MTHFD2: variants seen among roughly 807,000 people sequenced by gnomAD.
MTHFD2 encodes methylenetetrahydrofolate dehydrogenase (NADP+ dependent) 2, methenyltetrahydrofolate cyclohydrolase.
MTHFD2 carries 26 observed loss-of-function variants against 36.8 expected under a neutral mutation model. That is an observed-to-expected ratio of 0.71 (90% CI 0.52 to 0.98). The LOEUF is 0.98. Among genes scored for constraint, MTHFD2 ranks in the 50% least tolerant of loss-of-function variants. The probability of loss-of-function intolerance (pLI) is 0.00; values close to 1 mark genes in which losing one functional copy is unlikely to be tolerated. For synonymous variants in MTHFD2, 164 were observed against 155.2 expected (o/e 1.06, Z -0.42); for missense variants, 373 against 434.0 (o/e 0.86, Z 1.25).
At position 74,215,334 on chromosome 2, in the gene MTHFD2, C is replaced by G. The variant is rs953554077; in HGVS notation, c.*1092C>G. On this transcript the variant is annotated 3_prime_UTR_variant, in exon 8 of 8. Transcript: ENST00000394053. Reference sequence around the variant, plus strand: ...CTATGACTCCTAGTTGTGACCTAACCAGTTTTTTTCTCATTTAATCAATGT... The same window carrying G: ...CTATGACTCCTAGTTGTGACCTAACGAGTTTTTTTCTCATTTAATCAATGT... 1.3e-5 allele frequency: 2 copies of G among 152,044 alleles called. No individual in the cohort carries two copies. The highest frequency in any genetic ancestry group is 4.8e-5 in the African/African-American group (2 of 41,368). 9.4% of individuals were successfully genotyped at this position (152,044 alleles called of 1,614,324 possible). A position where few individuals can be genotyped will look rare whatever the true frequency, so the allele number is the denominator to read the frequency against.
rs143867699 is a variant in MTHFD2, at chr2:74,204,902, C to T, written c.102-803C>T. 3.1e-3 allele frequency among the ~76,000 whole-genome samples: 471 copies of T among 152,200 alleles called. 4 individuals carry two copies. The highest frequency in any genetic ancestry group is 0.011 in the African/African-American group (445 of 41,520). On this transcript the variant is annotated intron_variant, in intron 1 of 7. Coordinates refer to ENST00000394053, the MANE Select transcript of MTHFD2 (RefSeq NM_006636.4). ...GTGCAGTGGCACAATCTCAGCTCAC[C>T]GCAACCTCTGCCTCCTGGTTTCAAG... is the stretch of plus-strand genomic sequence containing the variant.
rs369717981 is a variant in MTHFD2, at chr2:74,203,906, G to GTTTAGTTTAGT, written c.102-1797_102-1796insTAGTTTAGTTT. On this transcript the variant is annotated intron_variant, in intron 1 of 7. Transcript: ENST00000394053. ...GTTTAGTTTAGTTTAGTTTAGTTTA[G>GTTTAGTTTAGT]TTAGTTTAGTTTAGTTTAGTTTTTT... is the stretch of plus-strand genomic sequence containing the variant. 1.6e-3 allele frequency among the ~76,000 whole-genome samples: 46 copies of GTTTAGTTTAGT among 29,524 alleles called. 2 individuals carry two copies. Among genetic ancestry groups the GTTTAGTTTAGT allele is most frequent in the Admixed American group, 4.0e-3 (13 of 3,222 alleles). 19.4% of individuals were successfully genotyped at this position (29,524 alleles called of 152,430 possible). A position where few individuals can be genotyped will look rare whatever the true frequency, so the allele number is the denominator to read the frequency against.
chr2:74,213,270 C>CTTTTTTTTTT (rs10638050), intron 7 of MTHFD2, among the ~76,000 whole-genome samples: 6 of 76,014 alleles, frequency 7.9e-5, no homozygotes, highest in African/African-American at 1.8e-4. Context: ...TTTTTCTTTC[C>CTTTTTTTTTT]TTTTTTTTTT....
At chr2:74,204,349 C>T (rs139201261) in intron 1 of MTHFD2, among the ~76,000 whole-genome samples, 101 of 152,252 alleles carry the variant, frequency 6.6e-4, no homozygotes, top group African/African-American at 2.3e-3. Flanking sequence ...GAAGAGACAG[C>T]CTTTCGGGCA....
chr2:74,198,728 C>T lies in MTHFD2; in HGVS notation c.87C>T (p.His29=), dbSNP rs1693962882. Residue 29 remains histidine, a synonymous_variant, in exon 1 of 8, where the codon CAC becomes CAT. Transcript: ENST00000394053. ...HSCSLRLRPF[H]LAAVRNEAVV... ...GCTCCCTTCGCCTTCGCCCTTTCCA[C>T]CTCGCGGCAGTTCGGTAAGAGGGTC... The T allele has an allele frequency of 6.2e-7, 1 of 1,610,032 alleles. No homozygotes were observed. Among genetic ancestry groups the T allele is most frequent in the Non-Finnish European group, 8.5e-7 (1 of 1,178,616 alleles).
rs897048974 is a variant in MTHFD2, at chr2:74,216,729, C to T, written c.*2487C>T. 2.6e-5 allele frequency: 4 copies of T among 152,162 alleles called. No homozygotes were observed. The highest frequency in any genetic ancestry group is 9.7e-5 in the African/African-American group (4 of 41,428). The allele number at this position is 152,162 out of a possible 1,614,324, so 9.4% of individuals were successfully genotyped here. ...ACTTAAACGATCCTCCTGCATCAGC[C>T]TCTGAAATGGCTGGGACTACAGGTG... On this transcript the variant is annotated 3_prime_UTR_variant, in exon 8 of 8. Transcript: ENST00000394053.
chr2:74,198,653 T>A lies in MTHFD2; in HGVS notation c.12T>A (p.Thr4=), dbSNP rs745772614. 24 of 1,609,640 alleles carry A rather than the reference T, an allele frequency of 1.5e-5. No individual in the cohort carries two copies. Among genetic ancestry groups the A allele is most frequent in the Non-Finnish European group, 1.9e-5 (22 of 1,178,258 alleles). ...CACCGGCGCGGTCTATGGCTGCGAC[T>A]TCTCTAATGTCTGCTTTGGCTGCCC... MAA[T]SLMSALAARL... The change falls in exon 1 of 8, where the codon ACT becomes ACA. Residue 4 remains threonine, a synonymous_variant. Coordinates refer to ENST00000394053, the MANE Select transcript of MTHFD2 (RefSeq NM_006636.4).
Position 74,208,594 on chromosome 2 carries a change from C to T in MTHFD2, c.435C>T (p.Cys145=). 1.2e-6 allele frequency: 2 copies of T among 1,614,120 alleles called. No individual in the cohort carries two copies. The highest frequency in any genetic ancestry group is 2.2e-5 in the South Asian group (2 of 91,066). The change falls in exon 4 of 8, where the codon TGC becomes TGT. Residue 145 remains cysteine, a synonymous_variant. Coordinates refer to ENST00000394053, the MANE Select transcript of MTHFD2 (RefSeq NM_006636.4). ...AGCATATTGATGAGAGAAGGATCTG[C>T]AATGCTGTTTCTCCAGACAAGGATG... ...LPEHIDERRI[C]NAVSPDKDVD...
At position 74,217,115 on chromosome 2, in the gene MTHFD2, T is replaced by C. The variant is rs2103851283; in HGVS notation, c.*2873T>C. 1 of 152,346 alleles carries C rather than the reference T, an allele frequency of 6.6e-6. No individual in the cohort carries two copies. The highest frequency in any genetic ancestry group is 1.5e-5 in the Non-Finnish European group (1 of 68,032). 9.4% of individuals were successfully genotyped at this position (152,346 alleles called of 1,614,324 possible). A position where few individuals can be genotyped will look rare whatever the true frequency, so the allele number is the denominator to read the frequency against. On this transcript the variant is annotated 3_prime_UTR_variant, in exon 8 of 8. Coordinates refer to ENST00000394053, the MANE Select transcript of MTHFD2 (RefSeq NM_006636.4). ...GAATTACAGAGGCAATTACCTGTCC[T>C]ATACTCAAGGTGTTAATGATCTAGT...
intron 5 of MTHFD2, 94 bp from the exon 6 acceptor site, chr2:74,211,105 A>T: frequency 1.2e-6 from 1 of 810,518 alleles, no homozygotes; most frequent in Admixed American, 2.0e-5. Flanking sequence ...TATTTTTCAG[A>T]GATGTTGAGT....
chr2:74,212,730 T>C (rs1478483821), intron 7 of MTHFD2, among the ~76,000 whole-genome samples: 1 of 152,230 alleles, frequency 6.6e-6, no homozygotes, highest in African/African-American at 2.4e-5. Flanking sequence ...TTCTTGACTT[T>C]TAACAAGTTT....
chr2:74,210,351 A>G (rs964157921), intron 5 of MTHFD2, among the ~76,000 whole-genome samples: 2 of 152,238 alleles, frequency 1.3e-5, no homozygotes, highest in Non-Finnish European at 2.9e-5. Context: ...CTAAGGAGCA[A>G]TTCTTATTCA....
chr2:74,200,903 C>G (rs1407149900), intron 1 of MTHFD2, among the ~76,000 whole-genome samples: 3 of 152,092 alleles, frequency 2.0e-5, no homozygotes, highest in Non-Finnish European at 2.9e-5. Context: ...TGTCCTGATA[C>G]TAATTTCTCA....
At chr2:74,205,980 A>T in intron 2 of MTHFD2, 91 bp downstream of exon 2, 1 of 1,367,760 alleles carries the variant, frequency 7.3e-7, no homozygotes, top group Non-Finnish European at 1.0e-6. Flanking sequence ...TTTTCTGATT[A>T]GGAAACCCAA....
intron 1 of MTHFD2, 36 bp downstream of exon 1, chr2:74,198,778 C>A: frequency 6.4e-7 from 1 of 1,554,176 alleles, no homozygotes; most frequent in South Asian, 1.2e-5. Context: ...GCGCGGAAAG[C>A]TGAGGGGAAC....
intron 1 of MTHFD2, among the ~76,000 whole-genome samples, chr2:74,203,896 GTTTAGTTTAGTTAGT>G (rs766562865): frequency 0.079 from 2,367 of 29,900 alleles, 37 homozygotes; most frequent in Non-Finnish European, 0.099. Flanking sequence ...GTTTAGTTTA[GTTTAGTTTAGTTAGT>G]TTAGTTTAGT....
At chr2:74,209,054 A>G (rs766290753) in intron 4 of MTHFD2, among the ~76,000 whole-genome samples, 5 of 148,208 alleles carry the variant, frequency 3.4e-5, no homozygotes, top group Non-Finnish European at 7.4e-5. Context: ...TTTTATTTCT[A>G]GTAGAGACAG....
intron 6 of MTHFD2, 92 bp downstream of exon 6, chr2:74,211,383 C>G: frequency 2.6e-6 from 2 of 766,200 alleles, no homozygotes; most frequent in Non-Finnish European, 4.4e-6. Flanking sequence ...AGCTGCTATT[C>G]ATCATTCCCC....
At position 74,205,045 on chromosome 2, in the gene MTHFD2, G is replaced by A. The variant is rs373528871; in HGVS notation, c.102-660G>A. Among the ~76,000 whole-genome samples, 31 of 152,110 alleles carry A rather than the reference G, an allele frequency of 2.0e-4. No homozygotes were observed. In the East Asian group the frequency reaches 5.4e-3, roughly 27 times the overall value. On this transcript the variant is annotated intron_variant, in intron 1 of 7. Transcript: ENST00000394053. ...TTCATGTGTTGGCCAGGCTGGTCTC[G>A]AACTCCTTACCTTGTGATCTGCCCT...
Sources: gnomAD v4.1 joint callset for allele counts (sites outside exome capture counted in the v4.1 genomes callset) on GRCh38, gnomAD v4.1.1 for gene constraint, MANE v1.5 for transcripts, NCBI Gene and HGNC (gene_info 2026-07-23, HGNC 2026-07-21) for gene names.